KAT6B: variants seen among roughly 807,000 people sequenced by gnomAD.
KAT6B encodes the protein histone acetyltransferase KAT6B.
Under a neutral mutation model 187.5 loss-of-function variants are expected in KAT6B, and 10 were observed. The ratio of observed to expected loss-of-function variants is 0.05; its 90% CI spans 0.03 to 0.09. The LOEUF (loss-of-function observed/expected upper bound fraction) is 0.09, where lower values mean the gene tolerates loss of function less well. Among genes scored for constraint, KAT6B ranks in the 10% least tolerant of loss-of-function variants. KAT6B has a pLI of 1.00. For synonymous variants in KAT6B, 861 were observed against 926.8 expected (o/e 0.93, Z 1.29); for missense variants, 1,952 against 2,558.9 (o/e 0.76, Z 5.12).
At chr10:74,886,685 A>T (rs1845300824) in intron 3 of KAT6B, among the ~76,000 whole-genome samples, 1 of 152,184 alleles carries the variant, frequency 6.6e-6, no homozygotes, top group African/African-American at 2.4e-5. Context: ...CCTACTCTGT[A>T]CTTCCACCTT....
intron 3 of KAT6B, among the ~76,000 whole-genome samples, chr10:74,925,284 C>T (rs1299970779): frequency 3.3e-5 from 5 of 152,012 alleles, no homozygotes; most frequent in African/African-American, 9.7e-5. Flanking sequence ...TCACGTGATC[C>T]GCCCACCTCA....
In KAT6B at chr10:75,029,413, G is replaced by A. The variant is rs1252789068; in HGVS notation, c.4589G>A (p.Gly1530Glu). 2 of 1,613,890 alleles carry A rather than the reference G, an allele frequency of 1.2e-6. No homozygotes were observed. The highest frequency in any genetic ancestry group is 1.7e-6 in the Non-Finnish European group (2 of 1,180,008). Residue 1530 changes from glycine to glutamate, a missense_variant, in exon 18 of 18, where the codon GGA becomes GAA. Gly to Glu is a moderately conservative substitution (Grantham distance 98, BLOSUM62 -2). Coordinates refer to ENST00000287239, the MANE Select transcript of KAT6B (RefSeq NM_012330.4). This position sits in a 1 kb window ranked among gnomAD's most constrained non-coding sequence, Gnocchi z 6.2. The stretch of plus-strand genomic sequence containing the variant: ...GAAGTCGATACAGAGTTCAAAGAGG[G>A]AAACCCAGCAACCATGGAAATCGAC... ...SKEVDTEFKE[G>E]NPATMEIDSE...
intron 3 of KAT6B, among the ~76,000 whole-genome samples, chr10:74,946,052 A>G (rs1475093573): frequency 6.6e-6 from 1 of 152,198 alleles, no homozygotes; most frequent in Non-Finnish European, 1.5e-5. Flanking sequence ...ATTCACCGCT[A>G]AAGTCATCTG....
intron 3 of KAT6B, among the ~76,000 whole-genome samples, chr10:74,928,616 G>C (rs1329520808): frequency 1.3e-5 from 2 of 152,104 alleles, no homozygotes; most frequent in South Asian, 4.1e-4. Context: ...TTTTTAGTCT[G>C]TGTCTTAAAA....
At chr10:74,864,201 T>C (rs1843390634) in intron 3 of KAT6B, among the ~76,000 whole-genome samples, 1 of 151,148 alleles carries the variant, frequency 6.6e-6, no homozygotes, top group Non-Finnish European at 1.5e-5. Context: ...CCAAAGTAGC[T>C]AGGACTACAG....
intron 3 of KAT6B, among the ~76,000 whole-genome samples, chr10:74,860,389 A>G (rs1343715888): frequency 2.0e-5 from 3 of 152,238 alleles, no homozygotes; most frequent in Non-Finnish European, 4.4e-5. Flanking sequence ...CTTAGTGCTT[A>G]TTGTGTATAT....
At chr10:74,900,804 C>T (rs1167418036) in intron 3 of KAT6B, among the ~76,000 whole-genome samples, 2 of 152,200 alleles carry the variant, frequency 1.3e-5, no homozygotes, top group Non-Finnish European at 2.9e-5. Flanking sequence ...AAGAATTATT[C>T]ATTGAGTGCA....
At chr10:74,995,455 T>C (rs1028353151) in intron 13 of KAT6B, among the ~76,000 whole-genome samples, 1 of 152,226 alleles carries the variant, frequency 6.6e-6, no homozygotes, top group Non-Finnish European at 1.5e-5. Flanking sequence ...GTGCCCTCTC[T>C]ACCCATTCCC....
intron 3 of KAT6B, among the ~76,000 whole-genome samples, chr10:74,912,248 A>G (rs1847265714): frequency 6.6e-6 from 1 of 152,130 alleles, no homozygotes; most frequent in African/African-American, 2.4e-5. Context: ...TCAGTCTGCA[A>G]ATATCCTAAT....
intron 13 of KAT6B, among the ~76,000 whole-genome samples, chr10:75,014,715 G>A (rs768210832): frequency 2.0e-5 from 3 of 152,160 alleles, no homozygotes; most frequent in Admixed American, 1.3e-4. Context: ...CTACTGAACC[G>A]GAGTCCATGC....
intron 15 of KAT6B, 149 bp from the exon 16 acceptor site, chr10:75,021,732 A>C: frequency 1.3e-6 from 1 of 762,924 alleles, no homozygotes; most frequent in Non-Finnish European, 2.3e-6. Context: ...CTGATGCAAA[A>C]GGTTCCTGAG....
intron 5 of KAT6B, 35 bp from the exon 6 acceptor site, chr10:74,969,985 C>T (rs1480356535): frequency 2.0e-6 from 3 of 1,489,404 alleles, no homozygotes; most frequent in South Asian, 2.3e-5. Context: ...CAGTTGGTTT[C>T]AGTCTCAATT....
chr10:75,008,770 A>G (rs958564453), intron 13 of KAT6B, among the ~76,000 whole-genome samples: 1 of 152,190 alleles, frequency 6.6e-6, no homozygotes, highest in Non-Finnish European at 1.5e-5. Context: ...ATTTATATAA[A>G]TCTTCCTTGA....
At chr10:74,845,465 T>A (rs186990013) in intron 3 of KAT6B, among the ~76,000 whole-genome samples, 3 of 136,582 alleles carry the variant, frequency 2.2e-5, no homozygotes, top group Non-Finnish European at 1.5e-5. Flanking sequence ...GACGTTGCAG[T>A]GAGCTGAGAT....
chr10:74,988,078 C>T (rs1842927384), intron 12 of KAT6B, among the ~76,000 whole-genome samples: 1 of 152,214 alleles, frequency 6.6e-6, no homozygotes, highest in Non-Finnish European at 1.5e-5. Context: ...CCACAACCAT[C>T]TCCTGTGATC....
chr10:75,020,923 A>G (rs1410122709), intron 14 of KAT6B, 110 bp downstream of exon 14: 4 of 1,023,052 alleles, frequency 3.9e-6, no homozygotes, highest in Non-Finnish European at 6.0e-6. Context: ...CCCTAACAGT[A>G]TTATCAAACC....
chr10:74,944,309 A>G (rs1157689942), intron 3 of KAT6B, among the ~76,000 whole-genome samples: 9 of 152,314 alleles, frequency 5.9e-5, no homozygotes, highest in East Asian at 1.9e-4. Flanking sequence ...GATTCTCTGC[A>G]GCTTGAGGCA....
chr10:74,976,216 A>G lies in KAT6B; in HGVS notation c.1879A>G (p.Lys627Glu). 1 of 1,614,202 alleles carries G rather than the reference A, an allele frequency of 6.2e-7. No individual in the cohort carries two copies. Among genetic ancestry groups the G allele is most frequent in the Non-Finnish European group, 8.5e-7 (1 of 1,180,036 alleles). ...IAHFKRTTFL[K>E]KHRMLGRLKY... ...TCACTTCAAGCGAACAACTTTCCTT[A>G]AAAAGCACAGGATGCTAGGCAGATT... Residue 627 changes from lysine (K) to glutamate (E), a missense_variant, in exon 8 of 18, where the codon AAA becomes GAA. Around this residue, in one of 9 missense-constraint regions of KAT6B, gnomAD observed 417 missense variants for 508.9 expected, o/e 0.82. Transcript: ENST00000287239.
chr10:74,842,486 T>TGTCATTACTTCTTGTG (rs1194038343), intron 2 of KAT6B, 114 bp from the exon 3 acceptor site: 5 of 484,406 alleles, frequency 1.0e-5, no homozygotes, highest in Non-Finnish European at 1.7e-5. Flanking sequence ...AATACCTGCC[T>TGTCATTACTTCTTGTG]GTCATTACTT....
Sources: gnomAD v4.1 joint callset for allele counts (sites outside exome capture counted in the v4.1 genomes callset) on GRCh38, gnomAD v4.1.1 for gene constraint, gnomAD v4.1.1 regional missense constraint, Gnocchi (gnomAD v3.1) non-coding constraint, MANE v1.5 for transcripts, NCBI Gene and HGNC (gene_info 2026-07-23, HGNC 2026-07-21) for gene names.